The following DPY19L3 variants were observed in gnomAD, a reference collection of about 807,000 sequenced individuals.
The protein encoded by DPY19L3 is dpy-19 like C-mannosyltransferase 3, also known as protein C-mannosyl-transferase DPY19L3.
A neutral mutation model predicts 92.3 loss-of-function variants in DPY19L3; 51 were observed. The observed-to-expected ratio is 0.55, with a 90% CI of 0.44 to 0.70. DPY19L3 has a LOEUF of 0.70. Ranked by LOEUF, DPY19L3 falls within the 30% of genes least tolerant of loss-of-function variation. The pLI, the probability that DPY19L3 is intolerant of heterozygous loss-of-function variation, is 0.00. For missense variants in DPY19L3, 706 were observed against 855.9 expected (o/e 0.82, Z 2.18); for synonymous variants, 309 against 315.2 (o/e 0.98, Z 0.21).
chr19:32,481,149 A>C (rs997619298), intron 18 of DPY19L3: 2 of 189,868 alleles, frequency 1.1e-5, no homozygotes, highest in African/African-American at 4.6e-5. Context: ...GTCTCAGTAG[A>C]GCAAACAGAT....
chr19:32,439,841 A>G lies in DPY19L3; in HGVS notation c.786A>G (p.Gln262=), dbSNP rs897467134. Residue 262 remains glutamine (Q), a synonymous_variant, in exon 8 of 19, where the codon CAA becomes CAG. Transcript: ENST00000392250. ...FLFSLTWQFN[Q]FMMLMQALVL... is the part of the protein sequence containing the mutation. Reference sequence around the variant, plus strand: ...TTAGTCTGACATGGCAATTTAATCAATTTATGATGCTGATGCAAGCATTAG... The same window carrying G: ...TTAGTCTGACATGGCAATTTAATCAGTTTATGATGCTGATGCAAGCATTAG... 4.3e-6 allele frequency: 7 copies of G among 1,613,822 alleles called. No individual in the cohort carries two copies. In the African/African-American group the frequency reaches 6.7e-5, roughly 15 times the overall value.
chr19:32,419,880 G>A (rs1403373701), intron 3 of DPY19L3, among the ~76,000 whole-genome samples: 2 of 121,610 alleles, frequency 1.6e-5, no homozygotes, highest in Non-Finnish European at 3.3e-5. Context: ...TTTTTTTTGA[G>A]ACGGAGCCTT....
At position 32,436,529 on chromosome 19, in the gene DPY19L3, G is replaced by A. The variant is rs764516477; in HGVS notation, c.412G>A (p.Val138Ile). The change falls in exon 5 of 19, where the codon GTT becomes ATT. Residue 138 changes from valine to isoleucine, a missense_variant. Val to Ile is a conservative substitution (Grantham distance 29, BLOSUM62 3). Transcript: ENST00000392250. ...TCAGCGAATGAATATTTACCAAGAG[G>A]TTTTTCTCAGTATTTTATATAGAGT... ...LLQRMNIYQEVFLSILYRVLP... is the reference protein window; with the variant it reads ...LLQRMNIYQEIFLSILYRVLP... The A allele has an allele frequency of 1.3e-6, 2 of 1,574,538 alleles. No homozygotes were observed. Among genetic ancestry groups the A allele is most frequent in the Admixed American group, 3.5e-5 (2 of 57,362 alleles).
chr19:32,460,926 T>G (rs1005091172), intron 12 of DPY19L3, among the ~76,000 whole-genome samples: 12 of 151,998 alleles, frequency 7.9e-5, no homozygotes, highest in African/African-American at 2.7e-4. Flanking sequence ...AGTGCAGTGG[T>G]GCAATCTCGG....
chr19:32,481,998 C>G (rs1970686076), intron 18 of DPY19L3, 81 bp from the exon 19 acceptor site: 3 of 1,485,600 alleles, frequency 2.0e-6, no homozygotes, highest in Non-Finnish European at 2.7e-6. Flanking sequence ...ATTCTTAAAC[C>G]CAATACCCAT....
intron 3 of DPY19L3, among the ~76,000 whole-genome samples, chr19:32,423,563 G>A (rs967338611): frequency 6.6e-6 from 1 of 151,696 alleles, no homozygotes; most frequent in African/African-American, 2.4e-5. Flanking sequence ...ATGCCTGGCC[G>A]CCATTACTTT....
At chr19:32,442,889 C>T (rs1460359337) in intron 8 of DPY19L3, among the ~76,000 whole-genome samples, 1 of 152,200 alleles carries the variant, frequency 6.6e-6, no homozygotes, top group Non-Finnish European at 1.5e-5. Flanking sequence ...CCTGCCAGAG[C>T]TATGTCAGAG....
At chr19:32,450,156 CAG>C (rs1414270115) in intron 8 of DPY19L3, among the ~76,000 whole-genome samples, 1 of 152,118 alleles carries the variant, frequency 6.6e-6, no homozygotes, top group Non-Finnish European at 1.5e-5. Flanking sequence ...CATTAGCTAT[CAG>C]AGAAATGCAA....
chr19:32,447,837 TAGA>T (rs1183563603), intron 8 of DPY19L3, among the ~76,000 whole-genome samples: 1 of 138,300 alleles, frequency 7.2e-6, no homozygotes, highest in South Asian at 2.1e-4. Context: ...GATAGATAGA[TAGA>T]TAGATAGATA....
chr19:32,478,997 A>G (rs1970594869), intron 17 of DPY19L3, among the ~76,000 whole-genome samples: 1 of 152,032 alleles, frequency 6.6e-6, no homozygotes, highest in Non-Finnish European at 1.5e-5. Context: ...TTTACATTCA[A>G]GTCAGCAGTG....
intron 8 of DPY19L3, among the ~76,000 whole-genome samples, chr19:32,442,142 T>C (rs1209001524): frequency 6.6e-6 from 1 of 152,092 alleles, no homozygotes; most frequent in Non-Finnish European, 1.5e-5. Context: ...ATAATTGGTA[T>C]AGAAAAAGGT....
At chr19:32,428,957 C>T (rs569349302) in intron 3 of DPY19L3, among the ~76,000 whole-genome samples, 33 of 152,160 alleles carry the variant, frequency 2.2e-4, no homozygotes, top group Admixed American at 4.6e-4. Context: ...AAGTGATTCT[C>T]CTGCCTCAGC....
intron 10 of DPY19L3, 21 bp downstream of exon 10, chr19:32,455,061 T>A (rs1251571393): frequency 7.1e-7 from 1 of 1,400,578 alleles, no homozygotes; most frequent in Non-Finnish European, 9.7e-7. Context: ...AAAAATGACA[T>A]GTTTAATGTA....
Position 32,411,228 on chromosome 19 carries a change from T to G in DPY19L3, c.104-11T>G. 1 of 1,601,388 alleles carries G rather than the reference T, an allele frequency of 6.2e-7. No individual in the cohort carries two copies. The highest frequency in any genetic ancestry group is 1.1e-5 in the South Asian group (1 of 88,700). On this transcript the variant is annotated splice_polypyrimidine_tract_variant and intron_variant, in intron 2 of 18. Transcript: ENST00000392250. ...TGACTTAGTTATTTATCTGTTCCAT[T>G]TTTCCAAAAGGTTGTACCAGTAGAA...
At chr19:32,451,034 GA>G (rs759772123) in intron 8 of DPY19L3, among the ~76,000 whole-genome samples, 5 of 152,054 alleles carry the variant, frequency 3.3e-5, no homozygotes, top group Non-Finnish European at 5.9e-5. Context: ...ATACAGCAGT[GA>G]ACAAAATATG....
chr19:32,425,724 A>C (rs1042241145), intron 3 of DPY19L3, among the ~76,000 whole-genome samples: 1 of 152,090 alleles, frequency 6.6e-6, no homozygotes, highest in African/African-American at 2.4e-5. Context: ...GTAGATCTCA[A>C]CAGTGGGCCT....
intron 15 of DPY19L3, 185 bp from the exon 16 acceptor site, chr19:32,468,546 T>A: frequency 8.0e-7 from 1 of 1,245,710 alleles, no homozygotes; most frequent in Non-Finnish European, 1.0e-6. Context: ...TTCAGAAACT[T>A]CCCAGGCGCT....
rs770500182 is a variant in DPY19L3 at position 32,480,529 on chromosome 19, G to A, written c.1961G>A (p.Arg654Gln). The change falls in exon 18 of 19, where the codon CGG becomes CAG. Residue 654 changes from arginine (R) to glutamine (Q), a missense_variant. By Grantham distance (43) the Arg-to-Gln change is conservative. Coordinates refer to ENST00000392250, the MANE Select transcript of DPY19L3 (RefSeq NM_001172774.2). Reference sequence around the variant, plus strand: ...AGGCACCGCCGGGGCTGCCGACTCCGGGACCTGCTGGACATTGCCAACGGC... The same window carrying A: ...AGGCACCGCCGGGGCTGCCGACTCCAGGACCTGCTGGACATTGCCAACGGC... Reference protein sequence around the residue: ...ERRHRRGCRLRDLLDIANGHM... With the variant: ...ERRHRRGCRLQDLLDIANGHM... The A allele has an allele frequency of 2.7e-5, 43 of 1,613,626 alleles. No individual in the cohort carries two copies. Among genetic ancestry groups the A allele is most frequent in the African/African-American group, 1.7e-4 (13 of 74,912 alleles).
At chr19:32,414,689 A>G (rs1968318760) in intron 3 of DPY19L3, among the ~76,000 whole-genome samples, 1 of 152,220 alleles carries the variant, frequency 6.6e-6, no homozygotes, top group Admixed American at 6.5e-5. Context: ...AGGCTGAAAT[A>G]TCTCTGTGTG....
Sources: gnomAD v4.1 joint callset for allele counts (sites outside exome capture counted in the v4.1 genomes callset) on GRCh38, gnomAD v4.1.1 for gene constraint, MANE v1.5 for transcripts, NCBI Gene and HGNC (gene_info 2026-07-23, HGNC 2026-07-21) for gene names.